The following ITPR1 variants were observed in gnomAD, a reference collection of about 807,000 sequenced individuals.
ITPR1 encodes inositol 1,4,5-trisphosphate-gated calcium channel ITPR1.
ITPR1 carries 96 observed loss-of-function variants against 318.4 expected under a neutral mutation model. The observed-to-expected ratio is 0.30, with a 90% CI of 0.26 to 0.36. ITPR1 has a LOEUF of 0.36. Ranked by LOEUF, ITPR1 falls within the 10% of genes least tolerant of loss-of-function variation. ITPR1 has a pLI of 1.00. For synonymous variants in ITPR1, 1,312 were observed against 1,289.9 expected (o/e 1.02, Z -0.37); for missense variants, 2,440 against 3,460.2 (o/e 0.71, Z 7.40).
chr3:4,819,466 G>C (rs577044335), intron 60 of ITPR1, among the ~76,000 whole-genome samples: 25 of 152,286 alleles, frequency 1.6e-4, no homozygotes, highest in Admixed American at 8.5e-4. Flanking sequence ...AACCTTCCAG[G>C]AGATGCCGAA....
intron 4 of ITPR1, among the ~76,000 whole-genome samples, chr3:4,575,567 CTG>C (rs1020527713): frequency 1.2e-4 from 18 of 152,114 alleles, no homozygotes; most frequent in African/African-American, 9.7e-5. Flanking sequence ...AAACACAAGA[CTG>C]TGTATTTCTC....
chr3:4,671,040 A>G (rs2094066941), intron 20 of ITPR1, 114 bp downstream of exon 20: 3 of 761,064 alleles, frequency 3.9e-6, no homozygotes, highest in Admixed American at 6.6e-5. Context: ...ATCTTGTAAG[A>G]TTGTCTAGAA....
At chr3:4,632,538 T>C (rs1377393176) in intron 5 of ITPR1, among the ~76,000 whole-genome samples, 1 of 152,194 alleles carries the variant, frequency 6.6e-6, no homozygotes, top group Non-Finnish European at 1.5e-5. Flanking sequence ...TTCCACTTTT[T>C]AAGAGAAGAT....
At position 4,495,899 on chromosome 3, in the gene ITPR1, A is replaced by C. The variant is rs142142166; in HGVS notation, c.-17+1393A>C. Among the ~76,000 whole-genome samples the C allele has an allele frequency of 7.0e-3, 1,059 of 152,300 alleles. 11 individuals carry two copies. Among genetic ancestry groups the C allele is most frequent in the African/African-American group, 0.024 (982 of 41,548 alleles). On this transcript the variant is annotated intron_variant, in intron 2 of 61. Transcript: ENST00000649015. ...TGGTAAACTTACTGCTACTGATGAA[A>C]TAACTTGCATACCTCCCACCAATGA...
intron 35 of ITPR1, among the ~76,000 whole-genome samples, chr3:4,701,166 G>A (rs1360707828): frequency 2.6e-5 from 4 of 152,144 alleles, no homozygotes; most frequent in African/African-American, 9.7e-5. Context: ...GAGCAGATCA[G>A]GTGTTCCAGG....
intron 40 of ITPR1, among the ~76,000 whole-genome samples, chr3:4,725,180 A>G (rs886291695): frequency 2.0e-5 from 3 of 151,356 alleles, no homozygotes; most frequent in Admixed American, 6.6e-5. Context: ...GGACACGCAT[A>G]CTATTGCTTT....
chr3:4,601,258 C>T (rs1196299090), intron 4 of ITPR1, among the ~76,000 whole-genome samples: 1 of 146,882 alleles, frequency 6.8e-6, no homozygotes, highest in African/African-American at 2.5e-5. Flanking sequence ...TTGGCTCCTG[C>T]CTGTAATCCC....
chr3:4,512,404 A>G (rs1414802246), intron 2 of ITPR1, among the ~76,000 whole-genome samples: 3 of 152,158 alleles, frequency 2.0e-5, no homozygotes, highest in African/African-American at 7.2e-5. Flanking sequence ...GGTTCCTTCC[A>G]ACTTTTATTC....
At chr3:4,499,971 T>G (rs1437352335) in intron 2 of ITPR1, among the ~76,000 whole-genome samples, 1 of 152,218 alleles carries the variant, frequency 6.6e-6, no homozygotes, top group African/African-American at 2.4e-5. Flanking sequence ...TGTCTACTCT[T>G]GTTATATGAG....
chr3:4,782,498 GGA>G, intron 49 of ITPR1, 119 bp from the exon 50 acceptor site: 1 of 995,940 alleles, frequency 1.0e-6, no homozygotes, highest in Non-Finnish European at 1.4e-6. Context: ...AAGCCCGATA[GGA>G]GAGAGTGCGG....
At chr3:4,538,842 CAGAG>C in intron 4 of ITPR1, among the ~76,000 whole-genome samples, 1 of 152,178 alleles carries the variant, frequency 6.6e-6, no homozygotes, top group South Asian at 2.1e-4. Flanking sequence ...TGCGTGGACA[CAGAG>C]AGGGGAGCAA....
Position 4,702,801 on chromosome 3 carries a change from T to C in ITPR1, c.4537-29T>C. The C allele has an allele frequency of 2.5e-6, 4 of 1,609,460 alleles. No individual in the cohort carries two copies. The East Asian group carries it at 8.9e-5, about 36-fold the overall frequency. On this transcript the variant is annotated intron_variant, in intron 35 of 61. Transcript: ENST00000649015. ...GTAGTCTACAAATAAAAATCTGTTT[T>C]TCACGTTGCCTCTTTTGGCTTCTTG...
chr3:4,634,283 G>A (rs1164924393), intron 5 of ITPR1, among the ~76,000 whole-genome samples: 4 of 150,898 alleles, frequency 2.7e-5, no homozygotes, highest in Non-Finnish European at 5.9e-5. Context: ...ACATGTTCCC[G>A]GCTCACTGCA....
chr3:4,701,755 T>G (rs2094657488), intron 35 of ITPR1, among the ~76,000 whole-genome samples: 2 of 148,742 alleles, frequency 1.3e-5, no homozygotes, highest in Admixed American at 6.6e-5. Flanking sequence ...AATTGTTCAC[T>G]GAGGCCTGAA....
Position 4,788,214 on chromosome 3 carries a change from G to C in ITPR1, c.6808+75G>C, listed in dbSNP as rs547501006. On this transcript the variant is annotated intron_variant, in intron 52 of 61. Transcript: ENST00000649015. The stretch of plus-strand genomic sequence containing the variant: ...TTCACAAACTTGGGCTTGATGGTGC[G>C]TTCATTTCCAAGCAGGAGCAAAGCT... 431 of 1,173,856 alleles carry C rather than the reference G, an allele frequency of 3.7e-4. 2 individuals carry two copies. In the African/African-American group the frequency reaches 5.9e-3, roughly 16 times the overall value. 72.7% of individuals were successfully genotyped at this position (1,173,856 alleles called of 1,614,324 possible). A position where few individuals can be genotyped will look rare whatever the true frequency, so the allele number is the denominator to read the frequency against.
intron 4 of ITPR1, among the ~76,000 whole-genome samples, chr3:4,584,477 G>T (rs2089671958): frequency 6.6e-6 from 1 of 152,018 alleles, no homozygotes. Flanking sequence ...AGGTGGGAAC[G>T]GGGAAGCGGG....
chr3:4,811,595 C>G (rs1007153029), intron 56 of ITPR1, 135 bp downstream of exon 56: 1 of 660,234 alleles, frequency 1.5e-6, no homozygotes, highest in Admixed American at 3.0e-5. Flanking sequence ...GTGTGAATTT[C>G]AAATACAGGT....
chr3:4,705,603 G>A (rs1345640150), intron 36 of ITPR1, among the ~76,000 whole-genome samples: 1 of 152,172 alleles, frequency 6.6e-6, no homozygotes, highest in Non-Finnish European at 1.5e-5. Flanking sequence ...CAGGAGTCCT[G>A]TAGAGTGTCT....
chr3:4,749,100 A>C (rs1318001650), intron 44 of ITPR1: 4 of 152,232 alleles, frequency 2.6e-5, no homozygotes, highest in Non-Finnish European at 4.4e-5. Context: ...CTGTAATGCA[A>C]GGTCACGTGG....
Sources: gnomAD v4.1 joint callset for allele counts (sites outside exome capture counted in the v4.1 genomes callset) on GRCh38, gnomAD v4.1.1 for gene constraint, MANE v1.5 for transcripts, NCBI Gene and HGNC (gene_info 2026-07-23, HGNC 2026-07-21) for gene names.